The following SAMD3 variants were observed in gnomAD, a reference collection of about 807,000 sequenced individuals.
SAMD3 encodes sterile alpha motif domain-containing protein 3.
In SAMD3, 63 loss-of-function variants were observed where a neutral mutation model predicts 58.5. The observed-to-expected ratio is 1.08, with a 90% CI of 0.88 to 1.33. The LOEUF (loss-of-function observed/expected upper bound fraction) is 1.33, where lower values mean the gene tolerates loss of function less well. Ranked by LOEUF, SAMD3 falls within the 40% of genes most tolerant of loss-of-function variation. The pLI is 0.00. For synonymous variants in SAMD3, 220 were observed against 210.3 expected, an observed-to-expected ratio of 1.05 and a Z score of -0.40; for missense variants, 604 against 608.4, an observed-to-expected ratio of 0.99 and a Z score of 0.08.
At chr6:130,144,151 T>A, downstream of SAMD3, 1 of 208,192 alleles carries the variant, frequency 4.8e-6, no homozygotes, top group Non-Finnish European at 9.5e-6. Flanking sequence ...CCACAGGCCA[T>A]AAATGTGCAG....
At chr6:130,261,536 T>C (rs1452912657) in intron 2 of SAMD3, among the ~76,000 whole-genome samples, 1 of 152,206 alleles carries the variant, frequency 6.6e-6, no homozygotes, top group African/African-American at 2.4e-5. Flanking sequence ...TGATTTGGTG[T>C]AAACTGCAAA....
chr6:130,249,193 T>C (rs1315060657), intron 2 of SAMD3, among the ~76,000 whole-genome samples: 3 of 152,214 alleles, frequency 2.0e-5, no homozygotes. Context: ...ACAATTAGCA[T>C]GAACTGGACA....
At position 130,182,798 on chromosome 6, in the gene SAMD3, G is replaced by A. The variant is rs146313457; in HGVS notation, c.654+1305C>T. On this transcript the variant is annotated intron_variant, in intron 7 of 11. Coordinates refer to ENST00000439090, the MANE Select transcript of SAMD3 (RefSeq NM_001017373.4). ...AATTCCATGTCCTTAAGAAAGCACA[G>A]CAAAAAATATCTTTTCACAGACATC... 5.6e-4 allele frequency among the ~76,000 whole-genome samples: 86 copies of A among 152,258 alleles called. No individual in the cohort carries two copies. In the Middle Eastern group the frequency reaches 0.01, roughly 18 times the overall value.
intron 2 of SAMD3, among the ~76,000 whole-genome samples, chr6:130,234,911 G>A (rs1028329279): frequency 3.9e-5 from 6 of 152,178 alleles, no homozygotes; most frequent in African/African-American, 7.2e-5. Context: ...CCAGGAGTTC[G>A]AGAACAGTCT....
chr6:130,200,163 C>T (rs926295675), intron 5 of SAMD3, among the ~76,000 whole-genome samples: 1 of 152,162 alleles, frequency 6.6e-6, no homozygotes. Flanking sequence ...AACAGAAATG[C>T]AAAGTTTCAG....
At chr6:130,365,481 C>T (rs1161412495), upstream of SAMD3, 29 of 985,430 alleles carry the variant, frequency 2.9e-5, no homozygotes, top group Non-Finnish European at 3.4e-5. Context: ...AGGGGGACCC[C>T]GGCCCGCCGG....
chr6:130,273,196 G>A (rs1308382863), intron 2 of SAMD3, among the ~76,000 whole-genome samples: 2 of 151,738 alleles, frequency 1.3e-5, no homozygotes, highest in African/African-American at 4.8e-5. Flanking sequence ...AATGATGGTA[G>A]GTGCACACAT....
At chr6:130,331,520 A>C (rs1482760829) in intron 1 of SAMD3, among the ~76,000 whole-genome samples, 2 of 152,144 alleles carry the variant, frequency 1.3e-5, no homozygotes, top group East Asian at 3.8e-4. Flanking sequence ...CAGGAGTTCG[A>C]GACCAGCCTG....
chr6:130,152,577 T>C (rs1308264454), intron 9 of SAMD3, among the ~76,000 whole-genome samples: 3 of 152,032 alleles, frequency 2.0e-5, no homozygotes, highest in Admixed American at 2.0e-4. Flanking sequence ...CTTGGGAGGC[T>C]GAGGCAGGAA....
At chr6:130,260,650 A>C (rs1283081583) in intron 2 of SAMD3, among the ~76,000 whole-genome samples, 1 of 152,186 alleles carries the variant, frequency 6.6e-6, no homozygotes, top group Non-Finnish European at 1.5e-5. Flanking sequence ...TGATTGGCGA[A>C]TGGTCGAGGC....
At chr6:130,283,441 G>A (rs912604492) in intron 2 of SAMD3, among the ~76,000 whole-genome samples, 8 of 152,072 alleles carry the variant, frequency 5.3e-5, no homozygotes, top group African/African-American at 1.7e-4. Flanking sequence ...ATCACACATA[G>A]AGCCTTATAG....
Position 130,145,658 on chromosome 6 carries a change from T to C in SAMD3, c.1196-236A>G, listed in dbSNP as rs568914405. ...ACAAGAGTTCTGTACTGTCTGTCCA[T>C]CAGCCAGGAAGAATTTATGCTGCCC... is the stretch of plus-strand genomic sequence containing the variant. On this transcript the variant is annotated intron_variant, in intron 10 of 11. Transcript: ENST00000439090. Among the ~76,000 whole-genome samples, 3 of 152,320 alleles carry C rather than the reference T, an allele frequency of 2.0e-5. No homozygotes were observed. The East Asian group carries it at 5.8e-4, about 29-fold the overall frequency.
intron 4 of SAMD3, among the ~76,000 whole-genome samples, chr6:130,210,154 C>T (rs1027716767): frequency 6.6e-6 from 1 of 152,198 alleles, no homozygotes; most frequent in Non-Finnish European, 1.5e-5. Flanking sequence ...TTTGCACCTT[C>T]CTGACCAATG....
rs1423556357 is a variant in SAMD3, at chr6:130,211,273, A to C, written c.270-1665T>G. Among the ~76,000 whole-genome samples the C allele has an allele frequency of 2.5e-5, 3 of 118,730 alleles. No individual in the cohort carries two copies. In the East Asian group the frequency reaches 6.7e-4, roughly 27 times the overall value. The allele number at this position is 118,730 out of a possible 152,430, so 77.9% of individuals were successfully genotyped here. ...TAATTCTTTCAATCAATTGCCAATC[A>C]GAATTTTTTTTTTTTTTTTTTTTTT... On this transcript the variant is annotated intron_variant, in intron 4 of 11. Transcript: ENST00000439090.
At chr6:130,354,473 C>T (rs1777768985) in intron 1 of SAMD3, among the ~76,000 whole-genome samples, 1 of 152,216 alleles carries the variant, frequency 6.6e-6, no homozygotes, top group African/African-American at 2.4e-5. Context: ...TACATATACA[C>T]CATGGAATAC....
chr6:130,307,724 T>A (rs1005847828), intron 2 of SAMD3, among the ~76,000 whole-genome samples: 4 of 152,226 alleles, frequency 2.6e-5, no homozygotes, highest in Non-Finnish European at 5.9e-5. Context: ...TAGAATAAGC[T>A]TTTAAAAGCT....
chr6:130,350,453 G>A (rs1445989819), intron 1 of SAMD3, among the ~76,000 whole-genome samples: 5 of 152,044 alleles, frequency 3.3e-5, no homozygotes, highest in Non-Finnish European at 5.9e-5. Context: ...GCCAAATCAT[G>A]AGTGAACTCC....
At chr6:130,214,270 G>T in intron 4 of SAMD3, 67 bp downstream of exon 4, 1 of 1,316,676 alleles carries the variant, frequency 7.6e-7, no homozygotes, top group South Asian at 1.9e-5. Flanking sequence ...AAACCCAAAC[G>T]TCACGCTCTA....
chr6:130,211,549 G>C (rs1795563863), intron 4 of SAMD3, among the ~76,000 whole-genome samples: 1 of 152,074 alleles, frequency 6.6e-6, no homozygotes, highest in African/African-American at 2.4e-5. Flanking sequence ...CTCCCAAAGT[G>C]CTGGCATTAC....
Sources: allele counts gnomAD v4.1 joint callset (sites outside exome capture counted in the v4.1 genomes callset), GRCh38; gene constraint gnomAD v4.1.1; transcripts MANE v1.5; gene names NCBI Gene and HGNC (gene_info 2026-07-23, HGNC 2026-07-21).